The following GRK4 variants were observed in gnomAD, a reference collection of about 807,000 sequenced individuals.
GRK4 encodes G protein-coupled receptor kinase 2-like.
A neutral mutation model predicts 77.9 loss-of-function variants in GRK4; 73 were observed. That is an observed-to-expected ratio of 0.94 (90% CI 0.78 to 1.14). The LOEUF (loss-of-function observed/expected upper bound fraction) is 1.14. Among genes scored for constraint, GRK4 ranks in the 50% most tolerant of loss-of-function variants. The probability of loss-of-function intolerance (pLI) is 0.00; values close to 1 mark genes in which losing one functional copy is unlikely to be tolerated. For synonymous variants in GRK4, 257 were observed against 254.4 expected (o/e 1.01, Z -0.10); for missense variants, 729 against 700.2 (o/e 1.04, Z -0.46).
intron 10 of GRK4, among the ~76,000 whole-genome samples, chr4:3,024,154 C>T (rs1166582271): frequency 3.3e-5 from 5 of 152,216 alleles, no homozygotes; most frequent in African/African-American, 1.2e-4. Context: ...ATCTGAAAGG[C>T]ACTCCCGGGT....
intron 1 of GRK4, among the ~76,000 whole-genome samples, chr4:2,967,860 G>A (rs1195630583): frequency 6.7e-6 from 1 of 149,718 alleles, no homozygotes. Flanking sequence ...TCGTGATCTC[G>A]GCTCACTGCA....
Position 3,001,089 on chromosome 4 carries a change from A to ATATATGTGTGTGTGTGTG in GRK4, c.340-3141_340-3140insATATGTGTGTGTGTGTGT. 1.2e-4 allele frequency among the ~76,000 whole-genome samples: 10 copies of ATATATGTGTGTGTGTGTG among 82,432 alleles called. 2 individuals are homozygous for ATATATGTGTGTGTGTGTG. The highest frequency in any genetic ancestry group is 3.5e-4 in the African/African-American group (6 of 17,214). 54.1% of individuals were successfully genotyped at this position (82,432 alleles called of 152,430 possible). ...TAAATGAGACTATATATATATATAT[A>ATATATGTGTGTGTGTGTG]TGTGTGTGTGTGTGTGTATATATAT... is the stretch of plus-strand genomic sequence containing the variant. On this transcript the variant is annotated intron_variant, in intron 4 of 15. Transcript: ENST00000398052.
Position 2,965,275 on chromosome 4 carries a change from G to A in GRK4, c.52+1153G>A, listed in dbSNP as rs527479603. On this transcript the variant is annotated intron_variant, in intron 1 of 15. Transcript: ENST00000398052. ...CATCCCGCCACAAAAGCATCAGTTG[G>A]TCCAGCCCTTCAGCGGGAGACCCCC... 1.8e-5 allele frequency: 13 copies of A among 702,940 alleles called. No homozygotes were observed. In the African/African-American group the frequency reaches 1.9e-4, roughly 10 times the overall value. The allele number at this position is 702,940 out of a possible 1,614,324, so 43.5% of individuals were successfully genotyped here.
At chr4:3,019,086 A>G (rs146250632) in intron 8 of GRK4, among the ~76,000 whole-genome samples, 3 of 152,234 alleles carry the variant, frequency 2.0e-5, no homozygotes, top group East Asian at 3.9e-4. Flanking sequence ...TGGGGGGAAA[A>G]TAGACTAGGC....
intron 6 of GRK4, among the ~76,000 whole-genome samples, chr4:3,009,317 G>A (rs1194893734): frequency 6.6e-6 from 1 of 151,794 alleles, no homozygotes; most frequent in Non-Finnish European, 1.5e-5. Context: ...AGCTACTCGG[G>A]AGGCTGAGGC....
At chr4:2,974,802 G>A (rs1463226032) in intron 1 of GRK4, among the ~76,000 whole-genome samples, 19 of 152,144 alleles carry the variant, frequency 1.2e-4, no homozygotes, top group Admixed American at 1.2e-3. Flanking sequence ...TTTATACATT[G>A]CTCTGTCACA....
intron 4 of GRK4, among the ~76,000 whole-genome samples, chr4:2,995,404 C>T (rs1046374773): frequency 1.3e-5 from 2 of 151,604 alleles, no homozygotes; most frequent in Non-Finnish European, 2.9e-5. Context: ...TGCTGTGGCT[C>T]ACGCCTGTAA....
intron 3 of GRK4, among the ~76,000 whole-genome samples, chr4:2,990,246 CTTTTTTTTTTTT>C (rs71644371): frequency 8.6e-4 from 61 of 70,754 alleles, no homozygotes; most frequent in Admixed American, 1.1e-3. Context: ...TCTTCTTCTT[CTTTTTTTTTTTT>C]TTTTTTTTTT....
At position 3,013,697 on chromosome 4, in the gene GRK4, T is replaced by G. The variant is rs1167542625; in HGVS notation, c.610T>G (p.Cys204Gly). The G allele has an allele frequency of 1.2e-6, 2 of 1,608,670 alleles. No homozygotes were observed. The highest frequency in any genetic ancestry group is 1.7e-5 in the Admixed American group (1 of 58,640). Reference sequence around the variant, plus strand: ...TTGCTGTTTAAACTAGGTTTGCGCCTGTCAAGTGCGAGCCACAGGAAAAAT... The same window carrying G: ...TTGCTGTTTAAACTAGGTTTGCGCCGGTCAAGTGCGAGCCACAGGAAAAAT... ...GKGGFGEVCACQVRATGKMYA... is the reference protein window; with the variant it reads ...GKGGFGEVCAGQVRATGKMYA... Residue 204 changes from cysteine to glycine, a missense_variant, in exon 8 of 16, where the codon TGT (cysteine) becomes GGT (glycine). Cys to Gly is a radical substitution (Grantham distance 159, BLOSUM62 -3). Coordinates refer to ENST00000398052, the MANE Select transcript of GRK4 (RefSeq NM_182982.3).
intron 1 of GRK4, among the ~76,000 whole-genome samples, chr4:2,968,097 G>T (rs1049572632): frequency 1.0e-4 from 15 of 145,306 alleles, no homozygotes; most frequent in South Asian, 2.2e-4. Context: ...GGCCTGTTTT[G>T]TTTTTTTTTT....
At chr4:3,035,973 C>T (rs1740508259) in intron 13 of GRK4, among the ~76,000 whole-genome samples, 1 of 151,976 alleles carries the variant, frequency 6.6e-6, no homozygotes. Flanking sequence ...CACAGCCACA[C>T]ACCACCCAGC....
intron 15 of GRK4, chr4:3,038,772 G>A (rs551484338): frequency 9.7e-6 from 4 of 411,424 alleles, no homozygotes; most frequent in Middle Eastern, 6.5e-4. Context: ...ACAGGTTCCC[G>A]TGTCGCTGAC....
intron 1 of GRK4, among the ~76,000 whole-genome samples, chr4:2,977,045 CTGAGT>C (rs1721428551): frequency 6.6e-6 from 1 of 152,216 alleles, no homozygotes; most frequent in Non-Finnish European, 1.5e-5. Context: ...CTGCACAGAG[CTGAGT>C]TTTTATCTGC....
At chr4:2,987,151 A>C (rs1437585851) in intron 2 of GRK4, 1 of 518,218 alleles carries the variant, frequency 1.9e-6, no homozygotes, top group Non-Finnish European at 3.9e-6. Context: ...GACAACTACA[A>C]ATCCACTTTC....
chr4:3,014,591 C>T (rs539434599), intron 8 of GRK4, among the ~76,000 whole-genome samples: 3 of 151,968 alleles, frequency 2.0e-5, no homozygotes, highest in South Asian at 4.2e-4. Context: ...GTCAGGAGTT[C>T]GAGACCAGCC....
intron 15 of GRK4, chr4:3,038,777 G>T: frequency 2.5e-6 from 1 of 400,188 alleles, no homozygotes; most frequent in Non-Finnish European, 4.5e-6. Context: ...TTCCCGTGTC[G>T]CTGACAAAAT....
At chr4:2,982,838 A>G (rs1723214691) in intron 1 of GRK4, among the ~76,000 whole-genome samples, 1 of 152,234 alleles carries the variant, frequency 6.6e-6, no homozygotes, top group Non-Finnish European at 1.5e-5. Context: ...CCCACCCTTC[A>G]GTGACATAGG....
chr4:3,013,731 G>A lies in GRK4; in HGVS notation c.644G>A (p.Cys215Tyr), dbSNP rs775540841. Residue 215 changes from cysteine to tyrosine, a missense_variant, in exon 8 of 16, where the codon TGC (cysteine) becomes TAC (tyrosine). Coordinates refer to ENST00000398052, the MANE Select transcript of GRK4 (RefSeq NM_182982.3). ...QVRATGKMYA[C>Y]KKLQKKRIKK... ...CGAGCCACAGGAAAAATGTATGCCT[G>A]CAAAAAGCTACAAAAAAAAAGAATA... 3.1e-6 allele frequency: 5 copies of A among 1,613,236 alleles called. No individual in the cohort carries two copies. The Admixed American group carries it at 6.7e-5, about 22-fold the overall frequency.
intron 8 of GRK4, among the ~76,000 whole-genome samples, chr4:3,015,259 G>T (rs1297059951): frequency 6.6e-6 from 1 of 152,200 alleles, no homozygotes; most frequent in African/African-American, 2.4e-5. Context: ...GTGTGAACGA[G>T]AATTTATAAA....
Sources: allele counts gnomAD v4.1 joint callset (sites outside exome capture counted in the v4.1 genomes callset), GRCh38; gene constraint gnomAD v4.1.1; transcripts MANE v1.5; gene names NCBI Gene and HGNC (gene_info 2026-07-23, HGNC 2026-07-21).